SHANK2: variants seen among roughly 807,000 people sequenced by gnomAD.
The protein encoded by SHANK2 is SH3 and multiple ankyrin repeat domains 2, also known as SH3 and multiple ankyrin repeat domains protein 2.
In SHANK2, 43 loss-of-function variants were observed where a neutral mutation model predicts 133.7. That is an observed-to-expected ratio of 0.32 (90% confidence interval 0.25 to 0.41). The LOEUF is 0.41. Ranked by LOEUF, SHANK2 falls within the 10% of genes least tolerant of loss-of-function variation. The pLI, the probability that SHANK2 is intolerant of heterozygous loss-of-function variation, is 1.00. For missense variants in SHANK2, 1,994 were observed against 2,235.8 expected (o/e 0.89, Z 2.18); for synonymous variants, 1,017 against 952.8 (o/e 1.07, Z -1.24).
chr11:70,824,106 AGGTGCTGGCAGAGCTCATGGGGGATGGAG>A (rs1436972377), intron 11 of SHANK2, among the ~76,000 whole-genome samples: 130 of 146,106 alleles, frequency 8.9e-4, no homozygotes, highest in Admixed American at 1.9e-3. Flanking sequence ...AGGGCAGAGG[AGGTGCTGGCAGAGCTCATGGGGGATGGAG>A]GGTGCTGGCA....
chr11:70,687,218 G>A (rs563597910), intron 15 of SHANK2, among the ~76,000 whole-genome samples: 2 of 152,372 alleles, frequency 1.3e-5, no homozygotes, highest in East Asian at 3.9e-4. Context: ...TAAGGCCCGT[G>A]CAGGAAGGTG....
Position 71,237,627 on chromosome 11 carries a change from C to T in SHANK2, c.-112-12831G>A, listed in dbSNP as rs143688869. Among the ~76,000 whole-genome samples the T allele has an allele frequency of 5.4e-4, 82 of 152,348 alleles. No individual in the cohort carries two copies. The Middle Eastern group carries it at 0.017, about 32-fold the overall frequency. ...ATCCAGTCACTTGCCCAGATCACAT[C>T]GTGGCACTTACAGGGAGGTTCCGGC... On this transcript the variant is annotated intron_variant, in intron 1 of 25. Transcript: ENST00000601538.
At chr11:70,858,667 T>C (rs1471967407) in intron 11 of SHANK2, among the ~76,000 whole-genome samples, 2 of 152,242 alleles carry the variant, frequency 1.3e-5, no homozygotes, top group Non-Finnish European at 2.9e-5. Flanking sequence ...TTGTTAAAAC[T>C]CCTTAAAGGT....
At chr11:70,641,393 T>A (rs2061180402) in intron 17 of SHANK2, among the ~76,000 whole-genome samples, 1 of 152,184 alleles carries the variant, frequency 6.6e-6, no homozygotes, top group South Asian at 2.1e-4. Flanking sequence ...GCGCCTGGAC[T>A]ATGCTTTTTT....
rs80273389 is a variant in SHANK2, at chr11:70,726,877, T to C, written c.1778-28114A>G. 7.9e-4 allele frequency among the ~76,000 whole-genome samples: 121 copies of C among 152,340 alleles called. No homozygotes were observed. In the East Asian group the frequency reaches 0.021, roughly 26 times the overall value. On this transcript the variant is annotated intron_variant, in intron 14 of 25. Transcript: ENST00000601538. ...CCCCTGGAAGGCTGTACAGCTGCCA[T>C]GTCAGTAAGCCTGGGCTAGCCCACT...
At chr11:71,187,412 C>A (rs143998087) in intron 2 of SHANK2, among the ~76,000 whole-genome samples, 3 of 151,118 alleles carry the variant, frequency 2.0e-5, no homozygotes, top group Admixed American at 1.3e-4. Context: ...GGGTTTCTCA[C>A]GTTTTATTCA....
At chr11:70,651,707 GACCCT>G (rs782507739) in intron 17 of SHANK2, among the ~76,000 whole-genome samples, 25 of 152,218 alleles carry the variant, frequency 1.6e-4, no homozygotes, top group Non-Finnish European at 2.6e-4. Flanking sequence ...ATGCAGGACA[GACCCT>G]GTTTGTCTTT....
At position 71,066,563 on chromosome 11, in the gene SHANK2, ACTCGGAAG is replaced by A. The variant is rs1428680332; in HGVS notation, c.1029+8588_1029+8595del. On this transcript the variant is annotated intron_variant, in intron 9 of 25. Coordinates refer to ENST00000601538, the MANE Select transcript of SHANK2 (RefSeq NM_012309.5). ...AGACAACGTTGCAACCAGGATGTTAACTCGGAAGCTCCAGGCCCCGTCAAGCCATTTCC... is the reference window on the plus strand; with the variant it reads ...AGACAACGTTGCAACCAGGATGTTAACTCCAGGCCCCGTCAAGCCATTTCC... 2.6e-5 allele frequency among the ~76,000 whole-genome samples: 4 copies of A among 152,256 alleles called. 1 individual carries two copies. In the Middle Eastern group the frequency reaches 0.01, roughly 388 times the overall value.
rs541730806 is a variant in SHANK2, at chr11:71,180,474, G to A, written c.-12-33136C>T. Among the ~76,000 whole-genome samples the A allele has an allele frequency of 1.2e-4, 18 of 152,136 alleles. No homozygotes were observed. The South Asian group carries it at 2.1e-3, about 18-fold the overall frequency. ...GAGCAGAGGGAAAGCAAGAAAACAC[G>A]AAGTTCCTTACCCTGTGCCCATCTA... On this transcript the variant is annotated intron_variant, in intron 2 of 25. Coordinates refer to ENST00000601538, the MANE Select transcript of SHANK2 (RefSeq NM_012309.5).
At chr11:70,910,157 G>A (rs1275885433) in intron 10 of SHANK2, among the ~76,000 whole-genome samples, 1 of 152,110 alleles carries the variant, frequency 6.6e-6, no homozygotes, top group Non-Finnish European at 1.5e-5. Flanking sequence ...CCTCTTCAAA[G>A]GTCCCATCTC....
chr11:70,527,531 G>A (rs1290858743), intron 17 of SHANK2, among the ~76,000 whole-genome samples: 1 of 152,198 alleles, frequency 6.6e-6, no homozygotes, highest in African/African-American at 2.4e-5. Flanking sequence ...CACTCAGAAG[G>A]GCAGTTGCTA....
chr11:70,920,083 A>G (rs1159923796), intron 10 of SHANK2, among the ~76,000 whole-genome samples: 1 of 152,220 alleles, frequency 6.6e-6, no homozygotes, highest in Non-Finnish European at 1.5e-5. Flanking sequence ...TCATGTGTAA[A>G]CAGAGGTAAT....
At chr11:70,583,338 G>C (rs149570285) in intron 17 of SHANK2, among the ~76,000 whole-genome samples, 40 of 152,262 alleles carry the variant, frequency 2.6e-4, no homozygotes, top group Admixed American at 3.9e-4. Flanking sequence ...ACAGGGCCAG[G>C]ATAGAGCCAG....
chr11:70,845,215 A>AAGAAG (rs1555062888), intron 11 of SHANK2, among the ~76,000 whole-genome samples: 3 of 149,276 alleles, frequency 2.0e-5, no homozygotes, highest in African/African-American at 5.0e-5. Flanking sequence ...AAAAAAAAAA[A>AAGAAG]AAAAGAAAAA....
rs2058706419 is a variant in SHANK2, at chr11:70,479,592, A to C, written c.4979+5722T>G. Among the ~76,000 whole-genome samples the C allele has an allele frequency of 6.6e-6, 1 of 152,138 alleles. No homozygotes were observed. The highest frequency in any genetic ancestry group is 1.5e-5 in the Non-Finnish European group (1 of 68,004). Reference sequence around the variant, plus strand: ...TCGAGGTCCCTTCTGGACCCCACCCACTGCAAAGGGCTGGCGACCTAGAGG... The same window carrying C: ...TCGAGGTCCCTTCTGGACCCCACCCCCTGCAAAGGGCTGGCGACCTAGAGG... On this transcript the variant is annotated intron_variant, in intron 25 of 25. Coordinates refer to ENST00000601538, the MANE Select transcript of SHANK2 (RefSeq NM_012309.5). This position sits in a 1 kb window ranked among gnomAD's most constrained non-coding sequence, Gnocchi z 4.4.
chr11:70,538,247 C>A (rs1237052632), intron 17 of SHANK2, among the ~76,000 whole-genome samples: 1 of 152,200 alleles, frequency 6.6e-6, no homozygotes, highest in African/African-American at 2.4e-5. Flanking sequence ...CACGGAGTCC[C>A]CGGGCGCTGA....
chr11:70,594,909 T>C (rs1381321842), intron 17 of SHANK2, among the ~76,000 whole-genome samples: 1 of 152,056 alleles, frequency 6.6e-6, no homozygotes, highest in African/African-American at 2.4e-5. Context: ...GACCCCATGT[T>C]CGTGGTTCAT....
intron 10 of SHANK2, among the ~76,000 whole-genome samples, chr11:70,947,821 G>A (rs1950769829): frequency 6.6e-6 from 1 of 152,136 alleles, no homozygotes; most frequent in Non-Finnish European, 1.5e-5. Context: ...TCCCATCCAG[G>A]ATAGCATCTG....
At position 70,902,971 on chromosome 11, in the gene SHANK2, C is replaced by A. The variant is rs551428446; in HGVS notation, c.1108-6404G>T. 8.5e-5 allele frequency among the ~76,000 whole-genome samples: 13 copies of A among 152,270 alleles called. No homozygotes were observed. The South Asian group carries it at 2.5e-3, about 29-fold the overall frequency. On this transcript the variant is annotated intron_variant, in intron 10 of 25. Coordinates refer to ENST00000601538, the MANE Select transcript of SHANK2 (RefSeq NM_012309.5). ...TGCATCTCTCCAGGAGACAGCACGG[C>A]CCCCCTCCACTGATCTACCAGCTGG... is the stretch of plus-strand genomic sequence containing the variant.
Sources: allele counts gnomAD v4.1 joint callset (sites outside exome capture counted in the v4.1 genomes callset), GRCh38; gene constraint gnomAD v4.1.1; non-coding constraint Gnocchi (gnomAD v3.1); transcripts MANE v1.5; gene names NCBI Gene and HGNC (gene_info 2026-07-23, HGNC 2026-07-21).